Variants in ATF7 observed in about 807,000 individuals in gnomAD.
ATF7 encodes activating transcription factor 7, also known as cyclic AMP-dependent transcription factor ATF-7.
ATF7 carries 10 observed loss-of-function variants against 50.4 expected under a neutral mutation model. The ratio of observed to expected loss-of-function variants is 0.20; its 90% CI spans 0.12 to 0.34. The LOEUF (loss-of-function observed/expected upper bound fraction) is 0.34. Among genes scored for constraint, ATF7 ranks in the 10% least tolerant of loss-of-function variants. The pLI, the probability that ATF7 is intolerant of heterozygous loss-of-function variation, is 1.00. For missense variants in ATF7, 465 were observed against 613.9 expected, an observed-to-expected ratio of 0.76 and a Z score of 2.56; for synonymous variants, 201 against 226.4, an observed-to-expected ratio of 0.89 and a Z score of 1.01.
intron 4 of ATF7, 66 bp from the exon 5 acceptor site, chr12:53,537,618 C>T (rs1222013977): frequency 1.9e-6 from 3 of 1,561,744 alleles, no homozygotes; most frequent in Non-Finnish European, 2.6e-6. Context: ...TCTATATTTT[C>T]CCATTTCCAA....
chr12:53,537,371 C>A, intron 5 of ATF7, 44 bp downstream of exon 5: 1 of 1,606,092 alleles, frequency 6.2e-7, no homozygotes, highest in Non-Finnish European at 8.5e-7. Context: ...TGAATCAAAA[C>A]TTTATCAATT....
chr12:53,592,218 A>T (rs1374048627), intron 2 of ATF7, among the ~76,000 whole-genome samples: 2 of 152,236 alleles, frequency 1.3e-5, no homozygotes, highest in African/African-American at 4.8e-5. Context: ...TGACAATTGC[A>T]AACAGTCCAC....
chr12:53,508,868 G>A (rs752066592), downstream of ATF7, among the ~76,000 whole-genome samples: 7 of 152,194 alleles, frequency 4.6e-5, no homozygotes, highest in Non-Finnish European at 8.8e-5. Flanking sequence ...AGAAGGACAG[G>A]AGCAGGCTAC....
At chr12:53,596,356 C>T (rs1450639065) in intron 2 of ATF7, among the ~76,000 whole-genome samples, 1 of 152,040 alleles carries the variant, frequency 6.6e-6, no homozygotes, top group East Asian at 1.9e-4. Context: ...TGACAGAAAC[C>T]TTTCTCACTG....
chr12:53,587,845 T>TATA (rs201911747), intron 2 of ATF7, among the ~76,000 whole-genome samples: 27 of 31,642 alleles, frequency 8.5e-4, no homozygotes, highest in African/African-American at 2.7e-3. Context: ...ATATATATAT[T>TATA]TTTTTTTTTT....
At chr12:53,596,769 A>G (rs966784599) in intron 2 of ATF7, among the ~76,000 whole-genome samples, 18 of 152,250 alleles carry the variant, frequency 1.2e-4, no homozygotes, top group African/African-American at 4.3e-4. Context: ...AAAAGTATAA[A>G]AAACTTATAA....
At chr12:53,532,486 T>G (rs1401651976) in intron 8 of ATF7, 24 bp downstream of exon 8, 1 of 1,527,192 alleles carries the variant, frequency 6.5e-7, no homozygotes, top group African/African-American at 1.4e-5. Context: ...AGGCCAACAT[T>G]GCCCCAGACT....
downstream of ATF7, among the ~76,000 whole-genome samples, chr12:53,509,908 G>C (rs1339504980): frequency 6.6e-6 from 1 of 152,164 alleles, no homozygotes; most frequent in Admixed American, 6.5e-5. Flanking sequence ...AGCAGGTTTG[G>C]ATCTGGATGC....
intron 2 of ATF7, among the ~76,000 whole-genome samples, chr12:53,554,086 G>A (rs1940554161): frequency 6.6e-6 from 1 of 152,050 alleles, no homozygotes; most frequent in Non-Finnish European, 1.5e-5. Flanking sequence ...ACCAGACTGG[G>A]TAATCTGGCA....
intron 1 of ATF7, among the ~76,000 whole-genome samples, chr12:53,622,747 G>T (rs1369968361): frequency 6.6e-6 from 1 of 152,140 alleles, no homozygotes; most frequent in Non-Finnish European, 1.5e-5. Context: ...CCAAGGTGGG[G>T]AGATGGCTTG....
intron 2 of ATF7, among the ~76,000 whole-genome samples, chr12:53,584,040 C>T (rs1486444179): frequency 6.6e-6 from 1 of 152,104 alleles, no homozygotes; most frequent in African/African-American, 2.4e-5. Context: ...AGTACAGTGG[C>T]GTGATCTTGG....
rs11170567 is a variant in ATF7, at chr12:53,515,055, C to T, written c.*2082G>A. On this transcript the variant is annotated 3_prime_UTR_variant, in exon 12 of 12. Transcript: ENST00000420353. ...TGAAGTCCCTGGATGTGGTAACCTGCGTCCTGACCATCTGCCATAACATTT... is the reference window on the plus strand; with the variant it reads ...TGAAGTCCCTGGATGTGGTAACCTGTGTCCTGACCATCTGCCATAACATTT... 0.047 allele frequency: 7,099 copies of T among 152,284 alleles called. 221 individuals are homozygous for T. The highest frequency in any genetic ancestry group is 0.076 in the Non-Finnish European group (5,174 of 68,030). 9.4% of individuals were successfully genotyped at this position (152,284 alleles called of 1,614,324 possible).
intron 1 of ATF7, among the ~76,000 whole-genome samples, chr12:53,604,352 G>C (rs1277246089): frequency 1.3e-5 from 2 of 152,164 alleles, no homozygotes; most frequent in African/African-American, 4.8e-5. Context: ...CCAAGATTTA[G>C]AGAATGATTT....
chr12:53,613,005 A>G (rs546648216), intron 1 of ATF7, among the ~76,000 whole-genome samples: 1 of 152,158 alleles, frequency 6.6e-6, no homozygotes, highest in Non-Finnish European at 1.5e-5. Flanking sequence ...CTCTGTCTCA[A>G]GAAAAAAAAA....
intron 2 of ATF7, among the ~76,000 whole-genome samples, chr12:53,586,329 A>G (rs1942678275): frequency 6.6e-6 from 1 of 152,190 alleles, no homozygotes. Flanking sequence ...AAAATACCTG[A>G]AACTGAAGTA....
At chr12:53,580,420 T>C (rs1199259632) in intron 2 of ATF7, among the ~76,000 whole-genome samples, 2 of 150,996 alleles carry the variant, frequency 1.3e-5, no homozygotes, top group African/African-American at 4.8e-5. Flanking sequence ...ATCCCAGCAC[T>C]TTGGGAGGCC....
chr12:53,565,177 A>G (rs1030808301), intron 2 of ATF7, among the ~76,000 whole-genome samples: 4 of 152,172 alleles, frequency 2.6e-5, no homozygotes, highest in Admixed American at 2.0e-4. Context: ...CAGGTGCCCA[A>G]TAAATCACAG....
chr12:53,583,467 T>C (rs2137716875), intron 2 of ATF7, among the ~76,000 whole-genome samples: 1 of 152,046 alleles, frequency 6.6e-6, no homozygotes, highest in South Asian at 2.1e-4. Flanking sequence ...TGGTGAGTTG[T>C]ATAATTATTT....
chr12:53,612,122 C>A (rs1381985342), intron 1 of ATF7, among the ~76,000 whole-genome samples: 3 of 151,288 alleles, frequency 2.0e-5, no homozygotes, highest in Non-Finnish European at 4.4e-5. Context: ...GCTACGGGCT[C>A]GCACCACCAC....
Sources: allele counts gnomAD v4.1 joint callset (sites outside exome capture counted in the v4.1 genomes callset), GRCh38; gene constraint gnomAD v4.1.1; transcripts MANE v1.5; gene names NCBI Gene and HGNC (gene_info 2026-07-23, HGNC 2026-07-21).